FMOD: variants seen among roughly 807,000 people sequenced by gnomAD.
FMOD encodes the protein KSPG fibromodulin.
A neutral mutation model predicts 27.0 loss-of-function variants in FMOD; 15 were observed. The ratio of observed to expected loss-of-function variants is 0.55; its 90% confidence interval spans 0.37 to 0.85. The LOEUF (loss-of-function observed/expected upper bound fraction) is 0.85, where lower values mean the gene tolerates loss of function less well. Ranked by LOEUF, FMOD falls within the 40% of genes least tolerant of loss-of-function variation. FMOD has a pLI of 0.00. For synonymous variants in FMOD, 210 were observed against 214.0 expected, an observed-to-expected ratio of 0.98 and a Z score of 0.16; for missense variants, 460 against 483.2, an observed-to-expected ratio of 0.95 and a Z score of 0.45.
intron 1 of FMOD, among the ~76,000 whole-genome samples, chr1:203,350,738 T>C (rs1571521691): frequency 6.6e-6 from 1 of 152,210 alleles, no homozygotes; most frequent in African/African-American, 2.4e-5. Context: ...ATGGGATTTA[T>C]GAGTAGCAGG....
Position 203,348,040 on chromosome 1 carries a change from G to A in FMOD, c.231C>T (p.Pro77=). The A allele has an allele frequency of 6.2e-7, 1 of 1,612,354 alleles. No homozygotes were observed. The highest frequency in any genetic ancestry group is 8.5e-7 in the Non-Finnish European group (1 of 1,178,924). ...AGTTGGGTGGGCAGTCGCACTCCTG[G>A]GGGCAGTCGCGGGGATCTGGAGGGG... ...SPSPPDPRDC[P]QECDCPPNFP... is the part of the protein sequence containing the mutation. Residue 77 remains proline, a synonymous_variant, in exon 2 of 3, where the codon CCC becomes CCT. Transcript: ENST00000354955.
intron 2 of FMOD, among the ~76,000 whole-genome samples, chr1:203,344,783 G>T (rs1658858368): frequency 6.6e-6 from 1 of 152,164 alleles, no homozygotes; most frequent in Non-Finnish European, 1.5e-5. Context: ...AGGAGAGGGG[G>T]CTGAGCTTGG....
intron 1 of FMOD, among the ~76,000 whole-genome samples, chr1:203,349,281 G>T (rs937927133): frequency 5.3e-5 from 8 of 152,210 alleles, no homozygotes; most frequent in Non-Finnish European, 1.2e-4. Flanking sequence ...GCTTGAGGTA[G>T]GACCCTGACA....
In FMOD at chr1:203,342,388, G is replaced by C; in HGVS notation, c.1086C>G (p.Ala362=). ...GNEIKRSAMP[A]DAPLCLRLAS... ...CAAGGCGCAGGCAGAGGGGCGCGTC[G>C]GCAGGCATGGCGCTGCGCTTGATCT... is the stretch of plus-strand genomic sequence containing the variant. Residue 362 remains alanine (A), a synonymous_variant, in exon 3 of 3, where the codon GCC becomes GCG. Coordinates refer to ENST00000354955, the MANE Select transcript of FMOD (RefSeq NM_002023.5). 1 of 1,613,762 alleles carries C rather than the reference G, an allele frequency of 6.2e-7. No homozygotes were observed. Among genetic ancestry groups the C allele is most frequent in the Non-Finnish European group, 8.5e-7 (1 of 1,179,788 alleles).
rs531475249 is a variant in FMOD at position 203,345,562 on chromosome 1, A to G, written c.979+1730T>C. The stretch of plus-strand genomic sequence containing the variant: ...GTGGTAACTGCTGGTGTGATGATAG[A>G]CAGCCACAAGGAAATGTCAAACGTC... On this transcript the variant is annotated intron_variant, in intron 2 of 2. Coordinates refer to ENST00000354955, the MANE Select transcript of FMOD (RefSeq NM_002023.5). 9.2e-5 allele frequency among the ~76,000 whole-genome samples: 14 copies of G among 152,276 alleles called. No homozygotes were observed. The South Asian group carries it at 2.7e-3, about 29-fold the overall frequency.
rs1275760427 is a variant in FMOD at position 203,341,383 on chromosome 1, A to G, written c.*960T>C. The G allele has an allele frequency of 6.6e-6, 1 of 152,190 alleles. No individual in the cohort carries two copies. Among genetic ancestry groups the G allele is most frequent in the Non-Finnish European group, 1.5e-5 (1 of 68,044 alleles). 9.4% of individuals were successfully genotyped at this position (152,190 alleles called of 1,614,324 possible). On this transcript the variant is annotated 3_prime_UTR_variant, in exon 3 of 3. Coordinates refer to ENST00000354955, the MANE Select transcript of FMOD (RefSeq NM_002023.5). ...ATACTTTAAAAACCATGTGGCCGCT[A>G]CCTTTGTGGATAAAAACCCAGGTAG...
In FMOD at chr1:203,347,642, T is replaced by C. The variant is rs1658913429; in HGVS notation, c.629A>G (p.Asn210Ser). 1 of 1,614,150 alleles carries C rather than the reference T, an allele frequency of 6.2e-7. No individual in the cohort carries two copies. Among genetic ancestry groups the C allele is most frequent in the Non-Finnish European group, 8.5e-7 (1 of 1,180,000 alleles). ...ENLTALYLQH[N>S]EIQEVGSSMR... ...GGAACTGCCCACTTCCTGGATCTCA[T>C]TGTGTTGGAGGTACAAGGCCGTGAG... Residue 210 changes from asparagine (N) to serine (S), a missense_variant, in exon 2 of 3, where the codon AAT (asparagine) becomes AGT (serine). Coordinates refer to ENST00000354955, the MANE Select transcript of FMOD (RefSeq NM_002023.5).
Position 203,342,442 on chromosome 1 carries a change from C to T in FMOD, c.1032G>A (p.Lys344=), listed in dbSNP as rs1315840541. The change falls in exon 3 of 3, where the codon AAG becomes AAA. Residue 344 remains lysine (K), a synonymous_variant. Transcript: ENST00000354955. The stretch of plus-strand genomic sequence containing the variant: ...TCCCGTCCAGGCGCAGCACCTGCAG[C>T]TTGGAGAAGTTCACGACGTCCACCA... The part of the protein sequence containing the change: ...CTVVDVVNFS[K]LQVLRLDGNE... 3 of 1,614,166 alleles carry T rather than the reference C, an allele frequency of 1.9e-6. No homozygotes were observed. The highest frequency in any genetic ancestry group is 2.2e-5 in the South Asian group (2 of 91,080).
At position 203,348,057 on chromosome 1, in the gene FMOD, C is replaced by T. The variant is rs1477420933; in HGVS notation, c.214G>A (p.Asp72Asn). The T allele has an allele frequency of 1.2e-6, 2 of 1,613,558 alleles. No homozygotes were observed. The highest frequency in any genetic ancestry group is 1.7e-6 in the Non-Finnish European group (2 of 1,179,780). ...CACTCCTGGGGGCAGTCGCGGGGAT[C>T]TGGAGGGGATGGAGAGCCGTAGGTG... is the stretch of plus-strand genomic sequence containing the variant. Reference protein sequence around the residue: ...AYTYGSPSPPDPRDCPQECDC... With the variant: ...AYTYGSPSPPNPRDCPQECDC... Residue 72 changes from aspartate (D) to asparagine (N), a missense_variant, in exon 2 of 3, where the codon GAT becomes AAT. Coordinates refer to ENST00000354955, the MANE Select transcript of FMOD (RefSeq NM_002023.5).
chr1:203,343,625 G>A (rs1658836772), intron 2 of FMOD, among the ~76,000 whole-genome samples: 1 of 152,206 alleles, frequency 6.6e-6, no homozygotes, highest in African/African-American at 2.4e-5. Flanking sequence ...ACCCAGAGCT[G>A]GGGCTTGCTG....
intron 1 of FMOD, among the ~76,000 whole-genome samples, chr1:203,348,558 T>C (rs1217934397): frequency 6.6e-6 from 1 of 152,144 alleles, no homozygotes; most frequent in Non-Finnish European, 1.5e-5. Flanking sequence ...AGCTGCATTT[T>C]TTTTTTGGAG....
At chr1:203,348,415 G>A in intron 1 of FMOD, 138 bp from the exon 2 acceptor site, 1 of 903,294 alleles carries the variant, frequency 1.1e-6, no homozygotes, top group Non-Finnish European at 1.6e-6. Context: ...CAGGAGCCTT[G>A]CTCTCATTTC....
chr1:203,349,127 C>T (rs1658948257), intron 1 of FMOD, among the ~76,000 whole-genome samples: 1 of 152,218 alleles, frequency 6.6e-6, no homozygotes, highest in Admixed American at 6.5e-5. Flanking sequence ...TTCTCTCTTC[C>T]ATGGTGCCTA....
chr1:203,347,223 A>G (rs1035765692), intron 2 of FMOD, 69 bp downstream of exon 2: 4 of 1,512,646 alleles, frequency 2.6e-6, no homozygotes, highest in Admixed American at 2.2e-5. Flanking sequence ...TTTTGCCACT[A>G]GCACTCAGAA....
At position 203,347,159 on chromosome 1, in the gene FMOD, GT is replaced by G. The variant is rs543592864; in HGVS notation, c.979+132del. On this transcript the variant is annotated intron_variant, in intron 2 of 2. Coordinates refer to ENST00000354955, the MANE Select transcript of FMOD (RefSeq NM_002023.5). ...CTCTTTTGTACAGGGGTATGGCTTG[GT>G]TGTCAGGTTGCTTCATTTGTGCTGT... 504 of 1,014,616 alleles carry G rather than the reference GT, an allele frequency of 5.0e-4. 3 individuals carry two copies. The South Asian group carries it at 6.0e-3, about 12-fold the overall frequency. 62.9% of individuals were successfully genotyped at this position (1,014,616 alleles called of 1,614,324 possible). A position where few individuals can be genotyped will look rare whatever the true frequency, so the allele number is the denominator to read the frequency against.
chr1:203,350,576 A>AACACACACACACACACACACACAC (rs754601876), intron 1 of FMOD, among the ~76,000 whole-genome samples: 18 of 131,698 alleles, frequency 1.4e-4, no homozygotes, highest in African/African-American at 3.8e-4. Flanking sequence ...TTCCACTCCA[A>AACACACACACACACACACACACAC]ACACACACAC....
Position 203,342,584 on chromosome 1 carries a change from A to G in FMOD, c.980-90T>C. 5.9e-6 allele frequency: 8 copies of G among 1,352,168 alleles called. No homozygotes were observed. In the South Asian group the frequency reaches 1.1e-4, roughly 18 times the overall value. The allele number at this position is 1,352,168 out of a possible 1,614,324, so 83.8% of individuals were successfully genotyped here. A position where few individuals can be genotyped will look rare whatever the true frequency, so the allele number is the denominator to read the frequency against. ...GAGATTAGCCTTTGTGAAGCAGCTT[A>G]GATAAAGGGGTGGAAGTTGGGGATG... On this transcript the variant is annotated intron_variant, in intron 2 of 2. Transcript: ENST00000354955.
chr1:203,348,356 T>C, intron 1 of FMOD, 79 bp from the exon 2 acceptor site: 1 of 1,471,012 alleles, frequency 6.8e-7, no homozygotes, highest in Non-Finnish European at 9.2e-7. Context: ...TAGGCAAGCC[T>C]TAGGCTTTGA....
chr1:203,342,236 G>A lies in FMOD; in HGVS notation c.*107C>T, dbSNP rs549534498. 45 of 1,382,640 alleles carry A rather than the reference G, an allele frequency of 3.3e-5. No individual in the cohort carries two copies. The African/African-American group carries it at 5.8e-4, about 18-fold the overall frequency. 85.6% of individuals were successfully genotyped at this position (1,382,640 alleles called of 1,614,324 possible). A position where few individuals can be genotyped will look rare whatever the true frequency, so the allele number is the denominator to read the frequency against. On this transcript the variant is annotated 3_prime_UTR_variant, in exon 3 of 3. Transcript: ENST00000354955. ...AAAGAAGACTACAGAGGGTGCCCGT[G>A]GACTTCTGTCACATGGTCCATCCTG...
Sources: gnomAD v4.1 joint callset for allele counts (sites outside exome capture counted in the v4.1 genomes callset) on GRCh38, gnomAD v4.1.1 for gene constraint, MANE v1.5 for transcripts, NCBI Gene and HGNC (gene_info 2026-07-23, HGNC 2026-07-21) for gene names.